Variants in LARGE1 observed in about 807,000 individuals in gnomAD.
The protein encoded by LARGE1 is xylosyl- and glucuronyltransferase LARGE1.
A neutral mutation model predicts 87.6 loss-of-function variants in LARGE1; 43 were observed. That is an observed-to-expected ratio of 0.49 (90% CI 0.38 to 0.63). The LOEUF is 0.63. Among genes scored for constraint, LARGE1 ranks in the 30% least tolerant of loss-of-function variants. The pLI, the probability that LARGE1 is intolerant of heterozygous loss-of-function variation, is 0.00. For missense variants in LARGE1, 802 were observed against 1,000.2 expected (o/e 0.80, Z 2.67); for synonymous variants, 434 against 394.6 (o/e 1.10, Z -1.18).
chr22:33,378,629 C>A (rs563932352), intron 9 of LARGE1, among the ~76,000 whole-genome samples: 3 of 152,358 alleles, frequency 2.0e-5, no homozygotes, highest in Admixed American at 2.0e-4. Context: ...TACTCTCACA[C>A]AGAAGACTTC....
At chr22:33,236,459 G>A (rs1055652962) in intron 11 of LARGE1, among the ~76,000 whole-genome samples, 4 of 152,174 alleles carry the variant, frequency 2.6e-5, no homozygotes, top group African/African-American at 9.7e-5. Context: ...ATGACTGTGT[G>A]TATGTGTTCC....
intron 6 of LARGE1, among the ~76,000 whole-genome samples, chr22:33,520,821 C>T (rs896265486): frequency 2.6e-5 from 4 of 152,172 alleles, no homozygotes; most frequent in African/African-American, 9.7e-5. Flanking sequence ...GGAGTGGCTC[C>T]GTGAACTGAT....
chr22:33,814,928 C>T (rs2086605843), intron 1 of LARGE1, among the ~76,000 whole-genome samples: 1 of 152,202 alleles, frequency 6.6e-6, no homozygotes, highest in African/African-American at 2.4e-5. Context: ...AGCGAAACAA[C>T]ATGTGCAAGG....
At chr22:33,719,495 C>T (rs1042807745) in intron 2 of LARGE1, among the ~76,000 whole-genome samples, 5 of 127,296 alleles carry the variant, frequency 3.9e-5, no homozygotes, top group African/African-American at 1.5e-4. Flanking sequence ...GCCATCTATA[C>T]CATATTTATT....
At chr22:33,421,294 G>A (rs1252236617) in intron 7 of LARGE1, among the ~76,000 whole-genome samples, 1 of 152,164 alleles carries the variant, frequency 6.6e-6, no homozygotes. Flanking sequence ...CCCAGACACT[G>A]TCCCATGCAC....
Position 33,603,641 on chromosome 22 carries a change from A to C in LARGE1, c.615+794T>G, listed in dbSNP as rs534603326. 6.6e-5 allele frequency among the ~76,000 whole-genome samples: 10 copies of C among 152,242 alleles called. No individual in the cohort carries two copies. The South Asian group carries it at 2.1e-3, about 32-fold the overall frequency. On this transcript the variant is annotated intron_variant, in intron 5 of 14. Coordinates refer to ENST00000397394, the MANE Select transcript of LARGE1 (RefSeq NM_133642.5). Reference sequence around the variant, plus strand: ...GATGGAAGGAACAGAATAAGCAAAGACTCAAACACAGAAGAGGGGGCAAAG... The same window carrying C: ...GATGGAAGGAACAGAATAAGCAAAGCCTCAAACACAGAAGAGGGGGCAAAG...
intron 11 of LARGE1, among the ~76,000 whole-genome samples, chr22:33,261,916 A>G (rs1927648269): frequency 6.6e-6 from 1 of 152,244 alleles, no homozygotes; most frequent in African/African-American, 2.4e-5. Flanking sequence ...TCTCTGTTGC[A>G]GGAATGCTCA....
chr22:33,643,941 G>A (rs1363113371), intron 3 of LARGE1, among the ~76,000 whole-genome samples: 1 of 152,100 alleles, frequency 6.6e-6, no homozygotes, highest in Non-Finnish European at 1.5e-5. Flanking sequence ...ACCAAAAAAA[G>A]CCCAGGACCA....
intron 11 of LARGE1, among the ~76,000 whole-genome samples, chr22:33,235,733 G>C (rs963599891): frequency 4.6e-5 from 7 of 152,130 alleles, no homozygotes; most frequent in Non-Finnish European, 7.3e-5. Context: ...CCCAGGAGGC[G>C]AAAAGCAAAA....
At chr22:33,693,762 T>G (rs1350486010) in intron 2 of LARGE1, among the ~76,000 whole-genome samples, 1 of 151,538 alleles carries the variant, frequency 6.6e-6, no homozygotes, top group Non-Finnish European at 1.5e-5. Flanking sequence ...AGGCGGAAGT[T>G]GCAGTGAGCC....
chr22:33,343,837 G>A (rs1270933878), intron 9 of LARGE1, among the ~76,000 whole-genome samples: 1 of 152,080 alleles, frequency 6.6e-6, no homozygotes, highest in Non-Finnish European at 1.5e-5. Flanking sequence ...CTAGAGGGAC[G>A]GAACTAATAG....
chr22:33,859,046 C>T lies in LARGE1; in HGVS notation c.-83+60949G>A, dbSNP rs554271759. Among the ~76,000 whole-genome samples, 31 of 74,084 alleles carry T rather than the reference C, an allele frequency of 4.2e-4. 1 individual carries two copies. In the East Asian group the frequency reaches 0.011, roughly 27 times the overall value. 48.6% of individuals were successfully genotyped at this position (74,084 alleles called of 152,430 possible). On this transcript the variant is annotated intron_variant, in intron 1 of 14. Transcript: ENST00000397394. Reference sequence around the variant, plus strand: ...TCACACACTGGGGCCTGTAGGGGGTCGGGGGCTAGGGGAGGGATAACATTA... The same window carrying T: ...TCACACACTGGGGCCTGTAGGGGGTTGGGGGCTAGGGGAGGGATAACATTA...
rs1181541853 is a variant in LARGE1, at chr22:33,382,043, T to C, written c.1007A>G (p.Asp336Gly). ...TTGTTTGATGACGGCATTGAAAATATCCTGGGGGATGAAAGCCAAAGACAC... is the reference window on the plus strand; with the variant it reads ...TTGTTTGATGACGGCATTGAAAATACCCTGGGGGATGAAAGCCAAAGACAC... The part of the protein sequence containing the change: ...GMLSTSLADQ[D>G]IFNAVIKQNP... Residue 336 changes from aspartate to glycine, a missense_variant and splice_region_variant, in exon 9 of 15, where the codon GAT (aspartate) becomes GGT (glycine). Physicochemically the swap from Asp to Gly is moderately conservative, Grantham distance 94. This residue lies in a region of LARGE1 where 625 missense variants were observed against 841.9 expected (regional missense o/e 0.74). Transcript: ENST00000397394. 2 of 1,613,944 alleles carry C rather than the reference T, an allele frequency of 1.2e-6. No homozygotes were observed. Among genetic ancestry groups the C allele is most frequent in the East Asian group, 2.2e-5 (1 of 44,882 alleles).
At chr22:33,121,119 C>T in the LARGE1 span, among the ~76,000 whole-genome samples, 7 of 152,056 alleles carry the variant, frequency 4.6e-5, no homozygotes, top group African/African-American at 1.7e-4. Flanking sequence ...CTCTAGGACC[C>T]CCTGTATTTG....
intron 1 of LARGE1, among the ~76,000 whole-genome samples, chr22:33,813,773 T>A (rs560970572): frequency 1.3e-5 from 2 of 152,310 alleles, no homozygotes; most frequent in South Asian, 4.1e-4. Context: ...TCTCCAGTTT[T>A]TCCCAAACTC....
At position 33,254,935 on chromosome 22, in the gene LARGE1, A is replaced by ATTTT. The variant is rs11363318; in HGVS notation, c.1730+49290_1730+49293dup. Among the ~76,000 whole-genome samples, 974 of 128,244 alleles carry ATTTT rather than the reference A, an allele frequency of 7.6e-3. 24 individuals carry two copies. Among genetic ancestry groups the ATTTT allele is most frequent in the African/African-American group, 0.029 (910 of 31,660 alleles). 84.1% of individuals were successfully genotyped at this position (128,244 alleles called of 152,430 possible). A position where few individuals can be genotyped will look rare whatever the true frequency, so the allele number is the denominator to read the frequency against. On this transcript the variant is annotated intron_variant, in intron 11 of 11. Coordinates refer to the LARGE1 transcript ENST00000608642. ...CCAGCTCTGCATGGTCTACCTGTAG[A>ATTTT]TTTTTTTTTTTTTTTTTTTTGAGAC...
chr22:33,419,376 G>A (rs1383809174), intron 7 of LARGE1, among the ~76,000 whole-genome samples: 1 of 151,710 alleles, frequency 6.6e-6, no homozygotes, highest in East Asian at 1.9e-4. Context: ...GGTGACAAGA[G>A]CAGAGGGTGC....
At chr22:33,153,032 A>C in the LARGE1 span, among the ~76,000 whole-genome samples, 2 of 152,094 alleles carry the variant, frequency 1.3e-5, no homozygotes, top group East Asian at 3.9e-4. Context: ...TCTCTGTTCA[A>C]ATATTTCAAT....
At chr22:33,305,345 C>T (rs1182450364) in intron 11 of LARGE1, among the ~76,000 whole-genome samples, 2 of 140,822 alleles carry the variant, frequency 1.4e-5, no homozygotes, top group Non-Finnish European at 3.0e-5. Flanking sequence ...AAAATAGAGC[C>T]CAGGGAAAAA....
Sources: gnomAD v4.1 joint callset for allele counts (sites outside exome capture counted in the v4.1 genomes callset) on GRCh38, gnomAD v4.1.1 for gene constraint, gnomAD v4.1.1 regional missense constraint, MANE v1.5 for transcripts, NCBI Gene and HGNC (gene_info 2026-07-23, HGNC 2026-07-21) for gene names.